Variants in SEL1L observed in about 807,000 individuals in gnomAD.
The protein encoded by SEL1L is SEL1L adaptor subunit of SYVN1 ubiquitin ligase.
A neutral mutation model predicts 109.8 loss-of-function variants in SEL1L; 52 were observed. The ratio of observed to expected loss-of-function variants is 0.47; its 90% CI spans 0.38 to 0.60. The LOEUF (loss-of-function observed/expected upper bound fraction) is 0.60, where lower values mean the gene tolerates loss of function less well. SEL1L is among the 20% of genes least tolerant of loss of function. SEL1L has a pLI of 0.00. For missense variants in SEL1L, 749 were observed against 962.2 expected, an observed-to-expected ratio of 0.78 and a Z score of 2.93; for synonymous variants, 373 against 339.6, an observed-to-expected ratio of 1.10 and a Z score of -1.08.
At chr14:81,499,903 CTTTTTTTT>C (rs67769195) in intron 6 of SEL1L, among the ~76,000 whole-genome samples, 19 of 119,190 alleles carry the variant, frequency 1.6e-4, no homozygotes, top group African/African-American at 6.3e-4. Flanking sequence ...TTATTTGTGG[CTTTTTTTT>C]TTTTTTTTTT....
At chr14:81,520,042 T>C (rs1203040629) in intron 3 of SEL1L, among the ~76,000 whole-genome samples, 1 of 152,018 alleles carries the variant, frequency 6.6e-6, no homozygotes, top group African/African-American at 2.4e-5. Context: ...AAATTTGAGT[T>C]TGAGAAAGAT....
rs1240487143 is a variant in SEL1L, at chr14:81,472,557, T to C, written c.*4415A>G. On this transcript the variant is annotated 3_prime_UTR_variant, in exon 21 of 21. Coordinates refer to ENST00000336735, the MANE Select transcript of SEL1L (RefSeq NM_005065.6). ...TAAATGTTACTGTGTGGTACGTGTCTCTGCAAGTCCTCTTAAAAAATTCCT... is the reference window on the plus strand; with the variant it reads ...TAAATGTTACTGTGTGGTACGTGTCCCTGCAAGTCCTCTTAAAAAATTCCT... 2 of 450,648 alleles carry C rather than the reference T, an allele frequency of 4.4e-6. No individual in the cohort carries two copies. The highest frequency in any genetic ancestry group is 8.8e-6 in the Non-Finnish European group (2 of 227,752). The allele number at this position is 450,648 out of a possible 1,614,324, so 27.9% of individuals were successfully genotyped here.
rs1885131870 is a variant in SEL1L at position 81,526,823 on chromosome 14, C to T, written c.250G>A (p.Gly84Arg). 2 of 1,605,716 alleles carry T rather than the reference C, an allele frequency of 1.2e-6. No individual in the cohort carries two copies. Among genetic ancestry groups the T allele is most frequent in the Non-Finnish European group, 8.5e-7 (1 of 1,177,390 alleles). Residue 84 changes from glycine (G) to arginine (R), a missense_variant, in exon 3 of 21, where the codon GGG becomes AGG. Transcript: ENST00000336735. The stretch of plus-strand genomic sequence containing the variant: ...CTGATATCTTCTGTGACACTTTCCC[C>T]CTCTTGGCTCTTGAGGCTGTCTTCC... ...EEEDSLKSQEGESVTEDISFL... is the reference protein window; with the variant it reads ...EEEDSLKSQERESVTEDISFL...
chr14:81,483,516 C>T (rs1473622167), intron 19 of SEL1L, among the ~76,000 whole-genome samples: 3 of 151,990 alleles, frequency 2.0e-5, no homozygotes, highest in Non-Finnish European at 2.9e-5. Context: ...CTACAGAAGT[C>T]GTGGTAGAAA....
chr14:81,519,704 A>G (rs1454819088), intron 3 of SEL1L, among the ~76,000 whole-genome samples: 3 of 152,230 alleles, frequency 2.0e-5, no homozygotes. Context: ...AAGCTCTTAC[A>G]TATAGTAAAC....
chr14:81,512,716 T>C (rs1377654014), intron 3 of SEL1L, among the ~76,000 whole-genome samples: 3 of 152,374 alleles, frequency 2.0e-5, no homozygotes, highest in Non-Finnish European at 2.9e-5. Flanking sequence ...CATTGTCTGA[T>C]GGATTTTTTT....
chr14:81,514,964 T>C (rs1884641585), intron 3 of SEL1L, among the ~76,000 whole-genome samples: 1 of 152,190 alleles, frequency 6.6e-6, no homozygotes, highest in Non-Finnish European at 1.5e-5. Context: ...ATACCTTATG[T>C]CCAAGCTTTC....
intron 4 of SEL1L, among the ~76,000 whole-genome samples, chr14:81,504,889 G>C (rs1025329882): frequency 3.2e-4 from 48 of 152,074 alleles, no homozygotes; most frequent in East Asian, 1.9e-4. Context: ...TGAGACGGCT[G>C]CATCTCATAT....
chr14:81,477,303 A>ATGTGTGTGTT, intron 20 of SEL1L, 122 bp from the exon 21 acceptor site: 1 of 510,286 alleles, frequency 2.0e-6, no homozygotes, highest in South Asian at 2.5e-5. Context: ...ACGTTTTGCA[A>ATGTGTGTGTT]TGTGTGTGTG....
chr14:81,486,872 A>T (rs554679365), intron 16 of SEL1L, among the ~76,000 whole-genome samples: 2 of 152,214 alleles, frequency 1.3e-5, no homozygotes, highest in Admixed American at 1.3e-4. Flanking sequence ...ATGTCACTCT[A>T]AAGTGCCAAG....
intron 19 of SEL1L, among the ~76,000 whole-genome samples, chr14:81,483,377 T>A (rs955694989): frequency 6.6e-6 from 1 of 152,186 alleles, no homozygotes; most frequent in Admixed American, 6.5e-5. Context: ...TCTCATGAAT[T>A]TTTCTTAACA....
Position 81,498,034 on chromosome 14 carries a change from A to C in SEL1L, c.986T>G (p.Ile329Ser), listed in dbSNP as rs1262983297. Reference protein sequence around the residue: ...RLVANHVASDISLTGGSVVQR... With the variant: ...RLVANHVASDSSLTGGSVVQR... ...TACTACTGAGCCTCCTGTTAGCGAGATATCACTAGCAACTGAAATAGAGGG... is the reference window on the plus strand; with the variant it reads ...TACTACTGAGCCTCCTGTTAGCGAGCTATCACTAGCAACTGAAATAGAGGG... Residue 329 changes from isoleucine (I) to serine (S), a missense_variant, in exon 10 of 21, where the codon ATC (isoleucine) becomes AGC (serine). By Grantham distance (142) the Ile-to-Ser change is moderately radical. Coordinates refer to ENST00000336735, the MANE Select transcript of SEL1L (RefSeq NM_005065.6). 6.2e-7 allele frequency: 1 copy of C among 1,612,786 alleles called. No homozygotes were observed.
chr14:81,488,090 A>G, intron 14 of SEL1L, 148 bp from the exon 15 acceptor site: 1 of 587,808 alleles, frequency 1.7e-6, no homozygotes, highest in Non-Finnish European at 3.0e-6. Context: ...CTTATAATAG[A>G]TAATAATATA....
intron 3 of SEL1L, among the ~76,000 whole-genome samples, chr14:81,525,065 C>A (rs1414859722): frequency 6.6e-6 from 1 of 152,060 alleles, no homozygotes; most frequent in African/African-American, 2.4e-5. Flanking sequence ...AAAGAACATT[C>A]TTACTAGAGA....
At chr14:81,498,573 C>T in intron 8 of SEL1L, 79 bp from the exon 9 acceptor site, 1 of 1,073,656 alleles carries the variant, frequency 9.3e-7, no homozygotes, top group Non-Finnish European at 1.4e-6. Context: ...TAAAGCTAAG[C>T]ATACCCAGAA....
chr14:81,481,291 T>C (rs1220071044), intron 19 of SEL1L, among the ~76,000 whole-genome samples: 3 of 152,160 alleles, frequency 2.0e-5, no homozygotes, highest in South Asian at 2.1e-4. Context: ...CCATGAGATA[T>C]GAGGAAGAAA....
chr14:81,526,485 T>C (rs1337240977), intron 3 of SEL1L, among the ~76,000 whole-genome samples: 1 of 152,174 alleles, frequency 6.6e-6, no homozygotes, highest in Non-Finnish European at 1.5e-5. Context: ...AAAAGAAACG[T>C]CAGGATATTA....
chr14:81,504,502 C>A (rs960732713), intron 4 of SEL1L, among the ~76,000 whole-genome samples, 196 bp from the exon 5 acceptor site: 3 of 149,422 alleles, frequency 2.0e-5, no homozygotes, highest in Admixed American at 6.6e-5. Flanking sequence ...TATATATATA[C>A]ACACATATAT....
Position 81,487,369 on chromosome 14 carries a change from AGCTG to A in SEL1L, c.1632+17_1632+20del. On this transcript the variant is annotated intron_variant, in intron 16 of 20. Coordinates refer to ENST00000336735, the MANE Select transcript of SEL1L (RefSeq NM_005065.6). ...TGGGCAAATCAACTCCCTACACACA[AGCTG>A]GTAGGAAAGACCTTACCTCCACTGC... is the stretch of plus-strand genomic sequence containing the variant. 6.4e-7 allele frequency: 1 copy of A among 1,554,176 alleles called. No homozygotes were observed. Among genetic ancestry groups the A allele is most frequent in the African/African-American group, 1.4e-5 (1 of 71,222 alleles).
Sources: gnomAD v4.1 joint callset for allele counts (sites outside exome capture counted in the v4.1 genomes callset) on GRCh38, gnomAD v4.1.1 for gene constraint, MANE v1.5 for transcripts, NCBI Gene and HGNC (gene_info 2026-07-23, HGNC 2026-07-21) for gene names.